Variants in SLC9C2 observed in about 807,000 individuals in gnomAD.
The protein encoded by SLC9C2 is solute carrier family 9 member C2 (putative), also known as sodium/hydrogen exchanger 11.
Under a neutral mutation model 140.2 loss-of-function variants are expected in SLC9C2, and 75 were observed. The observed-to-expected ratio is 0.53, with a 90% CI of 0.44 to 0.65. The LOEUF is 0.65. Among genes scored for constraint, SLC9C2 ranks in the 30% least tolerant of loss-of-function variants. SLC9C2 has a pLI of 0.00. For synonymous variants in SLC9C2, 375 were observed against 420.9 expected (o/e 0.89, Z 1.34); for missense variants, 1,074 against 1,331.8 (o/e 0.81, Z 3.01).
At chr1:173,575,734 G>A (rs1665136691) in intron 8 of SLC9C2, among the ~76,000 whole-genome samples, 1 of 151,968 alleles carries the variant, frequency 6.6e-6, no homozygotes, top group East Asian at 1.9e-4. Flanking sequence ...CTGCCACCAC[G>A]CCCGGCTAAT....
At chr1:173,536,798 C>G (rs1470836349) in intron 14 of SLC9C2, 144 bp downstream of exon 14, 20 of 616,846 alleles carry the variant, frequency 3.2e-5, no homozygotes, top group Non-Finnish European at 5.1e-5. Context: ...GAAGGACAGA[C>G]AGATGGACAG....
Position 173,557,448 on chromosome 1 carries a change from C to T in SLC9C2, c.1107G>A (p.Trp369Ter). 1 of 1,613,824 alleles carries T rather than the reference C, an allele frequency of 6.2e-7. No homozygotes were observed. Among genetic ancestry groups the T allele is most frequent in the Non-Finnish European group, 8.5e-7 (1 of 1,179,862 alleles). ...ILMHSNYEYN[W>*]RWGVVITWSG... ...ACCACGTGATTACAACTCCCCATCGCCAATTATATTCATAATTTGAATGCA... is the reference window on the plus strand; with the variant it reads ...ACCACGTGATTACAACTCCCCATCGTCAATTATATTCATAATTTGAATGCA... Residue 369 changes from tryptophan (W) to a stop codon, truncating the protein, a stop_gained, in exon 10 of 28, where the codon TGG becomes TGA. Coordinates refer to ENST00000367714, the MANE Select transcript of SLC9C2 (RefSeq NM_178527.4). LOFTEE classifies it high-confidence loss of function.
At position 173,547,711 on chromosome 1, in the gene SLC9C2, A is replaced by G; in HGVS notation, c.1535T>C (p.Leu512Ser). ...TDEALMEEAR[L>S]HVAAIQMSSF... ...AACCATTTGTATTGCAGCTACATGC[A>G]ATCTGGCTTCCTCCATTAAAGCTTC... The change falls in exon 13 of 28, where the codon TTG becomes TCG. Residue 512 changes from leucine to serine, a missense_variant. By Grantham distance (145) the Leu-to-Ser change is moderately radical. Transcript: ENST00000367714. 6.2e-7 allele frequency: 1 copy of G among 1,612,316 alleles called. No individual in the cohort carries two copies. Among genetic ancestry groups the G allele is most frequent in the Non-Finnish European group, 8.5e-7 (1 of 1,178,700 alleles).
rs1006468225 is a variant in SLC9C2, at chr1:173,581,828, G to A, written c.802+19C>T. 19 of 1,492,470 alleles carry A rather than the reference G, an allele frequency of 1.3e-5. No individual in the cohort carries two copies. The highest frequency in any genetic ancestry group is 5.4e-6 in the Non-Finnish European group (6 of 1,111,312). 92.5% of individuals were successfully genotyped at this position (1,492,470 alleles called of 1,614,324 possible). A position where few individuals can be genotyped will look rare whatever the true frequency, so the allele number is the denominator to read the frequency against. On this transcript the variant is annotated intron_variant, in intron 7 of 27. Coordinates refer to ENST00000367714, the MANE Select transcript of SLC9C2 (RefSeq NM_178527.4). ...ACTTACTTTAAGGACAGTAATTTTT[G>A]TATTTATTTCAGCCTTACCAATATA...
chr1:173,523,901 A>G, intron 21 of SLC9C2, 68 bp downstream of exon 21: 1 of 1,548,700 alleles, frequency 6.5e-7, no homozygotes, highest in Non-Finnish European at 8.7e-7. Context: ...TTAATCTTTC[A>G]TTAGGGAGTG....
chr1:173,592,219 G>C (rs1239933450), intron 4 of SLC9C2, among the ~76,000 whole-genome samples: 17 of 152,054 alleles, frequency 1.1e-4, no homozygotes, highest in Admixed American at 1.1e-3. Flanking sequence ...CTGTTCCATT[G>C]GTCTATGTGT....
Position 173,598,024 on chromosome 1 carries a change from T to C in SLC9C2, c.237A>G (p.Gln79=), listed in dbSNP as rs967907493. The C allele has an allele frequency of 2.1e-5, 34 of 1,585,620 alleles. No homozygotes were observed. The highest frequency in any genetic ancestry group is 1.7e-4 in the Middle Eastern group (1 of 5,926). ...HMAYNSVEVH[Q]IVYPLLRTSS... ...ATGTTCTTAGAAGAGGGTAGACAAT[T>C]TGGTGCACCTAAAGTAACAAAGGCA... is the stretch of plus-strand genomic sequence containing the variant. The change falls in exon 4 of 28, where the codon CAA becomes CAG. Residue 79 remains glutamine (Q), a synonymous_variant. Coordinates refer to ENST00000367714, the MANE Select transcript of SLC9C2 (RefSeq NM_178527.4).
intron 6 of SLC9C2, among the ~76,000 whole-genome samples, chr1:173,582,688 A>AT (rs1253341437): frequency 1.3e-5 from 2 of 152,122 alleles, no homozygotes; most frequent in Non-Finnish European, 2.9e-5. Flanking sequence ...TCATACTGTG[A>AT]TTTTTTCCCC....
intron 13 of SLC9C2, among the ~76,000 whole-genome samples, chr1:173,540,437 T>G (rs769023493): frequency 6.6e-6 from 1 of 152,150 alleles, no homozygotes; most frequent in Non-Finnish European, 1.5e-5. Flanking sequence ...TCAGTATCAA[T>G]TGTGGAGAGC....
At chr1:173,543,334 A>G (rs893752770) in intron 13 of SLC9C2, among the ~76,000 whole-genome samples, 1 of 152,224 alleles carries the variant, frequency 6.6e-6, no homozygotes, top group East Asian at 1.9e-4. Flanking sequence ...ACTACAAACC[A>G]CTGCTCAATG....
At chr1:173,559,623 T>G (rs1378510298) in intron 9 of SLC9C2, among the ~76,000 whole-genome samples, 1 of 152,244 alleles carries the variant, frequency 6.6e-6, no homozygotes, top group Admixed American at 6.5e-5. Flanking sequence ...GGGCTCACTT[T>G]GGTGACCCTT....
chr1:173,597,177 A>C (rs189437864), intron 4 of SLC9C2, among the ~76,000 whole-genome samples: 2 of 152,200 alleles, frequency 1.3e-5, no homozygotes, highest in Admixed American at 6.5e-5. Flanking sequence ...CAAAGAATTG[A>C]CATATAAAAC....
chr1:173,537,753 T>C (rs1256499115), intron 13 of SLC9C2, among the ~76,000 whole-genome samples: 1 of 152,152 alleles, frequency 6.6e-6, no homozygotes, highest in Non-Finnish European at 1.5e-5. Context: ...TAAGTGTAAC[T>C]AATCATTTCA....
At position 173,587,666 on chromosome 1, in the gene SLC9C2, A is replaced by G. The variant is rs762107572; in HGVS notation, c.522T>C (p.Ile174=). 20 of 1,608,486 alleles carry G rather than the reference A, an allele frequency of 1.2e-5. No individual in the cohort carries two copies. The Admixed American group carries it at 3.0e-4, about 24-fold the overall frequency. ...PLRSVNSLKT[I]GISKIYIDLI... is the part of the protein sequence containing the mutation. Reference sequence around the variant, plus strand: ...GAGAGAGAAATAAATGTGACATACCAATAGTTTTTAGTGAATTCACAGAAC... The same window carrying G: ...GAGAGAGAAATAAATGTGACATACCGATAGTTTTTAGTGAATTCACAGAAC... Residue 174 remains isoleucine (I), a splice_region_variant and synonymous_variant, in exon 5 of 28, where the codon ATT becomes ATC. Coordinates refer to ENST00000367714, the MANE Select transcript of SLC9C2 (RefSeq NM_178527.4).
chr1:173,518,872 G>A (rs577222271), intron 22 of SLC9C2, among the ~76,000 whole-genome samples: 1 of 152,174 alleles, frequency 6.6e-6, no homozygotes, highest in African/African-American at 2.4e-5. Context: ...AAGAAAAGAT[G>A]ATGGCATTTG....
At chr1:173,581,049 A>C (rs1393628382) in intron 7 of SLC9C2, among the ~76,000 whole-genome samples, 1 of 152,234 alleles carries the variant, frequency 6.6e-6, no homozygotes, top group Non-Finnish European at 1.5e-5. Context: ...TTACTGATTC[A>C]GGGCAGTGAG....
Position 173,554,805 on chromosome 1 carries a change from A to C in SLC9C2, c.1225T>G (p.Tyr409Asp). The change falls in exon 11 of 28, where the codon TAT (tyrosine) becomes GAT (aspartate). Residue 409 changes from tyrosine to aspartate, a missense_variant. Transcript: ENST00000367714. ...KVEVPQMFIL[Y>D]VQVISLLTMG... is the part of the protein sequence containing the mutation. ...GTCAATAATGATATTACTTGTACAT[A>C]GAGTATAAACTAAAAACAAAGCACA... 6.3e-7 allele frequency: 1 copy of C among 1,585,740 alleles called. No individual in the cohort carries two copies.
chr1:173,537,134 C>T, intron 13 of SLC9C2, 95 bp from the exon 14 acceptor site: 1 of 879,556 alleles, frequency 1.1e-6, no homozygotes, highest in Non-Finnish European at 1.8e-6. Flanking sequence ...TATTACTGAA[C>T]TCAATATATC....
In SLC9C2 at chr1:173,575,555, TTTG is replaced by T. The variant is rs1191996002; in HGVS notation, c.902+1103_902+1105del. Among the ~76,000 whole-genome samples the T allele has an allele frequency of 2.6e-5, 4 of 152,094 alleles. No homozygotes were observed. In the East Asian group the frequency reaches 5.8e-4, roughly 22 times the overall value. On this transcript the variant is annotated intron_variant, in intron 8 of 27. Coordinates refer to ENST00000367714, the MANE Select transcript of SLC9C2 (RefSeq NM_178527.4). ...GGAATAGTTTTAGGTGCCCATGTTT[TTTG>T]TTGTTGTTGTTGTTTGTTTGTTTGT...
Sources: allele counts gnomAD v4.1 joint callset (sites outside exome capture counted in the v4.1 genomes callset), GRCh38; gene constraint gnomAD v4.1.1; transcripts MANE v1.5; gene names NCBI Gene and HGNC (gene_info 2026-07-23, HGNC 2026-07-21).